Variants in CDK5 observed in about 807,000 individuals in gnomAD.
CDK5 encodes cyclin dependent kinase 5.
CDK5 carries 18 observed loss-of-function variants against 44.6 expected under a neutral mutation model. The ratio of observed to expected loss-of-function variants is 0.40; its 90% CI spans 0.28 to 0.60. CDK5 has a LOEUF of 0.60. CDK5 is among the 20% of genes least tolerant of loss of function. The pLI, the probability that CDK5 is intolerant of heterozygous loss-of-function variation, is 0.38. For missense variants in CDK5, 198 were observed against 368.1 expected (o/e 0.54, Z 3.78); for synonymous variants, 143 against 152.8 (o/e 0.94, Z 0.47).
At position 151,053,922 on chromosome 7, in the gene CDK5, C is replaced by T. The variant is rs1027674304; in HGVS notation, c.*87G>A. On this transcript the variant is annotated 3_prime_UTR_variant, in exon 12 of 12. Transcript: ENST00000485972. ...TGGGCCCAGCACTGCTGGAGCACAGCGCACCAGGCACCCCCACTGTCTCAC... is the reference window on the plus strand; with the variant it reads ...TGGGCCCAGCACTGCTGGAGCACAGTGCACCAGGCACCCCCACTGTCTCAC... 24 of 1,184,164 alleles carry T rather than the reference C, an allele frequency of 2.0e-5. No individual in the cohort carries two copies. The highest frequency in any genetic ancestry group is 9.2e-5 in the African/African-American group (6 of 65,572). 73.4% of individuals were successfully genotyped at this position (1,184,164 alleles called of 1,614,324 possible). A position where few individuals can be genotyped will look rare whatever the true frequency, so the allele number is the denominator to read the frequency against.
chr7:151,054,929 C>A lies in CDK5; in HGVS notation c.650+98G>T. ...TCAGGAGAAGCCCTACAGACCCCATCACCCTACCCCACACCATCACTGCCC... is the reference window on the plus strand; with the variant it reads ...TCAGGAGAAGCCCTACAGACCCCATAACCCTACCCCACACCATCACTGCCC... On this transcript the variant is annotated intron_variant, in intron 9 of 11. Transcript: ENST00000485972. The surrounding 1 kb of genome is among the most constrained non-coding windows in gnomAD (Gnocchi z 5.7). The A allele has an allele frequency of 1.6e-6, 2 of 1,220,338 alleles. No individual in the cohort carries two copies. The highest frequency in any genetic ancestry group is 2.4e-6 in the Non-Finnish European group (2 of 836,844). The allele number at this position is 1,220,338 out of a possible 1,614,324, so 75.6% of individuals were successfully genotyped here.
intron 7 of CDK5, 53 bp from the exon 8 acceptor site, chr7:151,055,426 G>A (rs1791896769): frequency 6.4e-7 from 1 of 1,558,298 alleles, no homozygotes; most frequent in Non-Finnish European, 8.9e-7. Context: ...CTGGGGAGGA[G>A]GTTTGAGGAG....
At position 151,054,081 on chromosome 7, in the gene CDK5, A is replaced by G; in HGVS notation, c.807T>C (p.Cys269=). ...GRDLLQNLLK[C]NPVQRISAEE... ...CTGCTGAGATACGCTGGACAGGGTT[A>G]CACTTCAGAAGGTTCTGGAGATGGG... The change falls in exon 12 of 12, where the codon TGT becomes TGC. Residue 269 remains cysteine (C), a synonymous_variant. Transcript: ENST00000485972. This position sits in a 1 kb window ranked among gnomAD's most constrained non-coding sequence, Gnocchi z 5.7. 6.2e-7 allele frequency: 1 copy of G among 1,601,192 alleles called. No individual in the cohort carries two copies. The highest frequency in any genetic ancestry group is 8.5e-7 in the Non-Finnish European group (1 of 1,173,964).
chr7:151,054,552 G>T lies in CDK5; in HGVS notation c.651-87C>A, dbSNP rs537402504. On this transcript the variant is annotated intron_variant, in intron 9 of 11. Coordinates refer to ENST00000485972, the MANE Select transcript of CDK5 (RefSeq NM_004935.4). The surrounding 1 kb of genome is among the most constrained non-coding windows in gnomAD (Gnocchi z 5.7). ...GAGGGCCTCTTCCCCTCCTGGGGAG[G>T]GATTCCTCATACCCACCGCCCACTT... The T allele has an allele frequency of 9.1e-6, 12 of 1,320,702 alleles. No individual in the cohort carries two copies. In the Admixed American group the frequency reaches 2.3e-4, roughly 25 times the overall value. 81.8% of individuals were successfully genotyped at this position (1,320,702 alleles called of 1,614,324 possible).
chr7:151,055,652 C>G, intron 6 of CDK5, 46 bp from the exon 7 acceptor site: 1 of 1,583,588 alleles, frequency 6.3e-7, no homozygotes, highest in Non-Finnish European at 8.7e-7. Flanking sequence ...TTTAAAAAGC[C>G]TTGGGACAGC....
In CDK5 at chr7:151,057,330, G is replaced by A; in HGVS notation, c.38-170C>T. The A allele has an allele frequency of 1.5e-6, 1 of 664,276 alleles. No individual in the cohort carries two copies. Among genetic ancestry groups the A allele is most frequent in the Non-Finnish European group, 2.7e-6 (1 of 367,876 alleles). The allele number at this position is 664,276 out of a possible 1,614,324, so 41.1% of individuals were successfully genotyped here. On this transcript the variant is annotated intron_variant, in intron 1 of 11. Transcript: ENST00000485972. The surrounding 1 kb of genome is among the most constrained non-coding windows in gnomAD (Gnocchi z 5.2). ...GAGGATGTGGCAGGTGGGGAGGGAG[G>A]AGAAGGTGCCCACCGAGGCTCCAGG... is the stretch of plus-strand genomic sequence containing the variant.
In CDK5 at chr7:151,057,238, G is replaced by C. The variant is rs34473673; in HGVS notation, c.38-78C>G. On this transcript the variant is annotated intron_variant, in intron 1 of 11. Transcript: ENST00000485972. The surrounding 1 kb of genome is among the most constrained non-coding windows in gnomAD (Gnocchi z 5.2). ...CCAGGAAATGCCTCCTGAGAGAGGTGAAGGCAGCGTCTCAGTATGCAAGGG... is the reference window on the plus strand; with the variant it reads ...CCAGGAAATGCCTCCTGAGAGAGGTCAAGGCAGCGTCTCAGTATGCAAGGG... 2.5e-3 allele frequency: 2,671 copies of C among 1,082,638 alleles called. 54 individuals are homozygous for C. The African/African-American group carries it at 0.036, about 15-fold the overall frequency. The allele number at this position is 1,082,638 out of a possible 1,614,324, so 67.1% of individuals were successfully genotyped here. A position where few individuals can be genotyped will look rare whatever the true frequency, so the allele number is the denominator to read the frequency against.
chr7:151,056,477 G>C lies in CDK5; in HGVS notation c.312+103C>G. 2 of 967,660 alleles carry C rather than the reference G, an allele frequency of 2.1e-6. No homozygotes were observed. Among genetic ancestry groups the C allele is most frequent in the Non-Finnish European group, 3.3e-6 (2 of 613,616 alleles). The allele number at this position is 967,660 out of a possible 1,614,324, so 59.9% of individuals were successfully genotyped here. On this transcript the variant is annotated intron_variant, in intron 5 of 11. Coordinates refer to ENST00000485972, the MANE Select transcript of CDK5 (RefSeq NM_004935.4). The surrounding 1 kb of genome is among the most constrained non-coding windows in gnomAD (Gnocchi z 4.7). ...GGTTTTCTCATTCTCTAACACCCTA[G>C]AGTGTCCCTGTTCAGGGCCCAAACT... is the stretch of plus-strand genomic sequence containing the variant.
At position 151,057,779 on chromosome 7, in the gene CDK5, A is replaced by G; in HGVS notation, c.37+33T>C. ...AGGAATGCCGAAGGATCTGCAGAGG[A>G]GCTCTTGCAGGAACATCTCGAGATT... On this transcript the variant is annotated intron_variant, in intron 1 of 11. Transcript: ENST00000485972. The surrounding 1 kb of genome is among the most constrained non-coding windows in gnomAD (Gnocchi z 5.2). 1 of 1,599,944 alleles carries G rather than the reference A, an allele frequency of 6.3e-7. No homozygotes were observed. The highest frequency in any genetic ancestry group is 8.5e-7 in the Non-Finnish European group (1 of 1,171,190).
rs1441349852 is a variant in CDK5 at position 151,057,837 on chromosome 7, G to A, written c.12C>T (p.Tyr4=). The change falls in exon 1 of 12, where the codon TAC becomes TAT. Residue 4 remains tyrosine, a synonymous_variant. Coordinates refer to ENST00000485972, the MANE Select transcript of CDK5 (RefSeq NM_004935.4). This position sits in a 1 kb window ranked among gnomAD's most constrained non-coding sequence, Gnocchi z 5.2. MQK[Y]EKLEKIGEGT... ...CTTCCCCAATCTTTTCCAGTTTCTC[G>A]TATTTCTGCATCGCGGCGGCCGCGG... 1.2e-6 allele frequency: 2 copies of A among 1,611,612 alleles called. No homozygotes were observed. The highest frequency in any genetic ancestry group is 1.1e-5 in the South Asian group (1 of 90,524).
chr7:151,057,602 A>G lies in CDK5; in HGVS notation c.37+210T>C. 1 of 660,324 alleles carries G rather than the reference A, an allele frequency of 1.5e-6. No individual in the cohort carries two copies. The allele number at this position is 660,324 out of a possible 1,614,324, so 40.9% of individuals were successfully genotyped here. A position where few individuals can be genotyped will look rare whatever the true frequency, so the allele number is the denominator to read the frequency against. ...CGGTTGGGAGGTCGGGTCTACTGGG[A>G]ACGCTAAGGTTGGAGTGAGAGCCCT... On this transcript the variant is annotated intron_variant, in intron 1 of 11. Coordinates refer to ENST00000485972, the MANE Select transcript of CDK5 (RefSeq NM_004935.4). This position sits in a 1 kb window ranked among gnomAD's most constrained non-coding sequence, Gnocchi z 5.2.
In CDK5 at chr7:151,055,788, T is replaced by C; in HGVS notation, c.373A>G (p.Arg125Gly). ...AGCAGGTTCTGGGGCTTCAGGTCCC[T>C]GTGTAGCACATTGCGGCTATGACAG... is the stretch of plus-strand genomic sequence containing the variant. ...GFCHSRNVLH[R>G]DLKPQNLLIN... The change falls in exon 6 of 12, where the codon AGG becomes GGG. Residue 125 changes from arginine (R) to glycine (G), a missense_variant. By Grantham distance (125) the Arg-to-Gly change is moderately radical (BLOSUM62 -2). This residue lies in a region of CDK5 where 26 missense variants were observed against 28.2 expected (regional missense o/e 0.92). Coordinates refer to ENST00000485972, the MANE Select transcript of CDK5 (RefSeq NM_004935.4). The C allele has an allele frequency of 6.2e-7, 1 of 1,612,502 alleles. No individual in the cohort carries two copies. The highest frequency in any genetic ancestry group is 8.5e-7 in the Non-Finnish European group (1 of 1,179,170).
At chr7:151,055,665 C>A in intron 6 of CDK5, 59 bp from the exon 7 acceptor site, 2 of 1,548,372 alleles carry the variant, frequency 1.3e-6, no homozygotes, top group Non-Finnish European at 1.8e-6. Context: ...GGGACAGCAC[C>A]AACTCCATCC....
rs1350192318 is a variant in CDK5 at position 151,054,902 on chromosome 7, C to T, written c.650+125G>A. ...CAGCACCCCTGCTCTCTCCCCTTGC[C>T]CTCAGGAGAAGCCCTACAGACCCCA... On this transcript the variant is annotated intron_variant, in intron 9 of 11. Transcript: ENST00000485972. This position sits in a 1 kb window ranked among gnomAD's most constrained non-coding sequence, Gnocchi z 5.7. 2 of 896,630 alleles carry T rather than the reference C, an allele frequency of 2.2e-6. No individual in the cohort carries two copies. The highest frequency in any genetic ancestry group is 1.7e-5 in the African/African-American group (1 of 60,506). The allele number at this position is 896,630 out of a possible 1,614,324, so 55.5% of individuals were successfully genotyped here.
rs556611063 is a variant in CDK5, at chr7:151,057,405, T to C, written c.38-245A>G. The C allele has an allele frequency of 1.7e-6, 1 of 596,310 alleles. No individual in the cohort carries two copies. The highest frequency in any genetic ancestry group is 1.9e-5 in the African/African-American group (1 of 53,684). The allele number at this position is 596,310 out of a possible 1,614,324, so 36.9% of individuals were successfully genotyped here. On this transcript the variant is annotated intron_variant, in intron 1 of 11. Coordinates refer to ENST00000485972, the MANE Select transcript of CDK5 (RefSeq NM_004935.4). The surrounding 1 kb of genome is among the most constrained non-coding windows in gnomAD (Gnocchi z 5.2). ...GTTGCCAGGGCAAGGATGTCTAAAA[T>C]GAAGGCGGTGCTCCGGAAGGGTCTG...
chr7:151,056,219 G>A lies in CDK5; in HGVS notation c.312+361C>T, dbSNP rs1242931377. On this transcript the variant is annotated intron_variant, in intron 5 of 11. Transcript: ENST00000485972. The surrounding 1 kb of genome is among the most constrained non-coding windows in gnomAD (Gnocchi z 4.7). Reference sequence around the variant, plus strand: ...CGTGCTGTAGTATCATTCAGGACTGGCTCCCCTGGAACCTGGACCAAGGCA... The same window carrying A: ...CGTGCTGTAGTATCATTCAGGACTGACTCCCCTGGAACCTGGACCAAGGCA... The A allele has an allele frequency of 5.8e-6, 3 of 514,462 alleles. No individual in the cohort carries two copies. The highest frequency in any genetic ancestry group is 1.0e-5 in the Non-Finnish European group (3 of 287,264). 31.9% of individuals were successfully genotyped at this position (514,462 alleles called of 1,614,324 possible).
intron 5 of CDK5, 57 bp from the exon 6 acceptor site, chr7:151,055,905 C>T (rs1163834472): frequency 1.6e-6 from 2 of 1,219,498 alleles, no homozygotes; most frequent in East Asian, 2.5e-5. Flanking sequence ...CTGTGCCCAG[C>T]AACGGGTCGG....
chr7:151,054,318 C>T lies in CDK5; in HGVS notation c.712-26G>A. ...CTGTGGAGAGGCAGGGAGGGTCAGACTAGAGGTAGGGGGAGGGGGATGGAG... is the reference window on the plus strand; with the variant it reads ...CTGTGGAGAGGCAGGGAGGGTCAGATTAGAGGTAGGGGGAGGGGGATGGAG... On this transcript the variant is annotated intron_variant, in intron 10 of 11. Transcript: ENST00000485972. The surrounding 1 kb of genome is among the most constrained non-coding windows in gnomAD (Gnocchi z 5.7). The T allele has an allele frequency of 6.2e-7, 1 of 1,613,268 alleles. No individual in the cohort carries two copies. Among genetic ancestry groups the T allele is most frequent in the Non-Finnish European group, 8.5e-7 (1 of 1,179,462 alleles).
chr7:151,057,729 T>A lies in CDK5; in HGVS notation c.37+83A>T. ...TGAGATCGGAGCCTGTAGGCATTGC[T>A]GACGGTAAGGGAGCCAGGGCTTCAA... On this transcript the variant is annotated intron_variant, in intron 1 of 11. Coordinates refer to ENST00000485972, the MANE Select transcript of CDK5 (RefSeq NM_004935.4). This position sits in a 1 kb window ranked among gnomAD's most constrained non-coding sequence, Gnocchi z 5.2. The A allele has an allele frequency of 1.4e-6, 2 of 1,468,468 alleles. No individual in the cohort carries two copies. Among genetic ancestry groups the A allele is most frequent in the Non-Finnish European group, 1.9e-6 (2 of 1,067,130 alleles). 91.0% of individuals were successfully genotyped at this position (1,468,468 alleles called of 1,614,324 possible). A position where few individuals can be genotyped will look rare whatever the true frequency, so the allele number is the denominator to read the frequency against.
Sources: gnomAD v4.1 joint callset for allele counts on GRCh38, gnomAD v4.1.1 for gene constraint, gnomAD v4.1.1 regional missense constraint, Gnocchi (gnomAD v3.1) non-coding constraint, MANE v1.5 for transcripts, NCBI Gene and HGNC (gene_info 2026-07-23, HGNC 2026-07-21) for gene names.